ZNF577: variants seen among roughly 807,000 people sequenced by gnomAD.
ZNF577 encodes zinc finger protein 577.
Under a neutral mutation model 13.9 loss-of-function variants are expected in ZNF577, and 14 were observed. That is an observed-to-expected ratio of 1.00 (90% confidence interval 0.66 to 1.57). The LOEUF is 1.57. Among genes scored for constraint, ZNF577 ranks in the 40% most tolerant of loss-of-function variants. The probability of loss-of-function intolerance (pLI) is 0.00; values close to 1 mark genes in which losing one functional copy is unlikely to be tolerated. For missense variants in ZNF577, 555 were observed against 579.2 expected (o/e 0.96, Z 0.43); for synonymous variants, 203 against 202.9 (o/e 1.00, Z 0.00).
chr19:51,804,597 T>C (rs913261785), downstream of ZNF577, among the ~76,000 whole-genome samples: 2 of 152,264 alleles, frequency 1.3e-5, no homozygotes, highest in Admixed American at 6.5e-5. Context: ...CTTTACAACA[T>C]AGGTACTAAC....
rs755901432 is a variant in ZNF577 at position 51,872,497 on chromosome 19, C to T, written c.*35G>A. 6.8e-7 allele frequency: 1 copy of T among 1,478,950 alleles called. No homozygotes were observed. Among genetic ancestry groups the T allele is most frequent in the Non-Finnish European group, 9.0e-7 (1 of 1,109,094 alleles). 91.6% of individuals were successfully genotyped at this position (1,478,950 alleles called of 1,614,324 possible). A position where few individuals can be genotyped will look rare whatever the true frequency, so the allele number is the denominator to read the frequency against. ...GGATATAATGGCTGGAGGATTCCTA[C>T]TAAAGATTTTCCCACCTTTCTGGTA... On this transcript the variant is annotated 3_prime_UTR_variant, in exon 6 of 6. Coordinates refer to ENST00000638348, the MANE Select transcript of ZNF577 (RefSeq NM_001370449.1).
chr19:51,848,998 T>C (rs1290438630), intron 5 of ZNF577, among the ~76,000 whole-genome samples: 1 of 152,244 alleles, frequency 6.6e-6, no homozygotes, highest in East Asian at 1.9e-4. Flanking sequence ...TTTGTTTTAA[T>C]ATTCCATTGT....
chr19:51,816,461 T>C (rs2084137857), intron 9 of ZNF577, among the ~76,000 whole-genome samples: 1 of 152,244 alleles, frequency 6.6e-6, no homozygotes, highest in African/African-American at 2.4e-5. Flanking sequence ...TTGGCCAGAC[T>C]GGTCTCCAAA....
rs73576138 is a variant in ZNF577 at position 51,875,832 on chromosome 19, C to T, written c.283+1450G>A. 3.1e-3 allele frequency among the ~76,000 whole-genome samples: 472 copies of T among 152,252 alleles called. 3 individuals are homozygous for T. Among genetic ancestry groups the T allele is most frequent in the African/African-American group, 0.011 (442 of 41,544 alleles). On this transcript the variant is annotated intron_variant, in intron 5 of 5. Coordinates refer to ENST00000638348, the MANE Select transcript of ZNF577 (RefSeq NM_001370449.1). ...TCAGTCAAACGTGCAGCAATGGAGG[C>T]GATAAGAACCTCTACTACCATGGCC...
intron 5 of ZNF577, among the ~76,000 whole-genome samples, chr19:51,858,832 A>G (rs1028349610): frequency 1.3e-5 from 2 of 152,226 alleles, no homozygotes; most frequent in Non-Finnish European, 2.9e-5. Context: ...CTTTTTAAAT[A>G]TATTTTTCTT....
At chr19:51,839,295 G>A (rs2084306107) in intron 9 of ZNF577, among the ~76,000 whole-genome samples, 1 of 152,144 alleles carries the variant, frequency 6.6e-6, no homozygotes, top group Admixed American at 6.5e-5. Flanking sequence ...TCAGCAGGCC[G>A]AGACAGGAGG....
intron 5 of ZNF577, among the ~76,000 whole-genome samples, chr19:51,845,204 A>G (rs1361605817): frequency 3.3e-5 from 5 of 152,170 alleles, no homozygotes; most frequent in Non-Finnish European, 7.3e-5. Context: ...TTTCAAGAGT[A>G]CAATACTTGG....
chr19:51,817,978 CTTTT>C (rs142320718), intron 9 of ZNF577: 2 of 148,230 alleles, frequency 1.3e-5, no homozygotes, highest in Admixed American at 1.3e-4. Flanking sequence ...TTTTTTCAGT[CTTTT>C]TTTTTTCTTT....
chr19:51,879,346 GC>G (rs2084823067), intron 3 of ZNF577, among the ~76,000 whole-genome samples: 1 of 151,966 alleles, frequency 6.6e-6, no homozygotes, highest in African/African-American at 2.4e-5. Context: ...GAGGCAGGGG[GC>G]TCATGAGGTC....
chr19:51,847,666 TA>T, intron 5 of ZNF577, among the ~76,000 whole-genome samples: 1 of 152,152 alleles, frequency 6.6e-6, no homozygotes, highest in South Asian at 2.1e-4. Context: ...ATGCCGGCCC[TA>T]AAAGCCCTCA....
At chr19:51,860,782 A>C (rs1419299166) in intron 5 of ZNF577, 1 of 288,286 alleles carries the variant, frequency 3.5e-6, no homozygotes, top group South Asian at 3.0e-5. Flanking sequence ...TGAGTTTGCT[A>C]TAACAAGAAA....
rs1178390782 is a variant in ZNF577 at position 51,872,428 on chromosome 19, C to T, written c.*104G>A. Reference sequence around the variant, plus strand: ...TGACTTCTCACAGAAATGTCCTCCACAACCACTGCCTCCACAGTGTTTCAG... The same window carrying T: ...TGACTTCTCACAGAAATGTCCTCCATAACCACTGCCTCCACAGTGTTTCAG... On this transcript the variant is annotated 3_prime_UTR_variant, in exon 6 of 6. Transcript: ENST00000638348. 8.3e-6 allele frequency: 8 copies of T among 964,102 alleles called. No individual in the cohort carries two copies. The highest frequency in any genetic ancestry group is 1.2e-5 in the Non-Finnish European group (8 of 671,256). 59.7% of individuals were successfully genotyped at this position (964,102 alleles called of 1,614,324 possible).
intron 9 of ZNF577, among the ~76,000 whole-genome samples, chr19:51,816,118 G>T (rs773296714): frequency 4.1e-4 from 63 of 152,006 alleles, no homozygotes; most frequent in Non-Finnish European, 1.0e-4. Context: ...TCTTGAGTTG[G>T]TGAACACAAA....
At chr19:51,808,651 G>C (rs1043969482) in intron 10 of ZNF577, among the ~76,000 whole-genome samples, 9 of 152,182 alleles carry the variant, frequency 5.9e-5, no homozygotes, top group Non-Finnish European at 1.0e-4. Flanking sequence ...TCGTGTAAGG[G>C]TGTAGTAAAG....
intron 9 of ZNF577, among the ~76,000 whole-genome samples, chr19:51,834,472 A>G (rs1210023965): frequency 1.3e-5 from 2 of 152,244 alleles, no homozygotes; most frequent in Non-Finnish European, 2.9e-5. Context: ...GCTTTAAATT[A>G]TACTAAGTAT....
At chr19:51,876,713 G>A (rs926734147) in intron 5 of ZNF577, among the ~76,000 whole-genome samples, 1 of 152,066 alleles carries the variant, frequency 6.6e-6, no homozygotes, top group African/African-American at 2.4e-5. Context: ...GGTTCATGAG[G>A]TCAGGAGTTT....
chr19:51,826,933 T>A (rs2084235113), intron 9 of ZNF577, among the ~76,000 whole-genome samples: 1 of 152,058 alleles, frequency 6.6e-6, no homozygotes, highest in Non-Finnish European at 1.5e-5. Flanking sequence ...AGAATGCAAG[T>A]CTGAAAAACA....
intron 9 of ZNF577, among the ~76,000 whole-genome samples, chr19:51,819,498 A>G (rs973957468): frequency 1.6e-5 from 1 of 61,404 alleles, no homozygotes; most frequent in Non-Finnish European, 4.1e-5. Flanking sequence ...TATGATATGG[A>G]AAAAAAATGT....
chr19:51,862,568 G>A (rs924272458), downstream of ZNF577: 1 of 153,476 alleles, frequency 6.5e-6, no homozygotes, highest in Non-Finnish European at 1.5e-5. Context: ...CACCTGAAAG[G>A]TCTCTCTCCT....
Sources: gnomAD v4.1 joint callset for allele counts (sites outside exome capture counted in the v4.1 genomes callset) on GRCh38, gnomAD v4.1.1 for gene constraint, MANE v1.5 for transcripts, NCBI Gene and HGNC (gene_info 2026-07-23, HGNC 2026-07-21) for gene names.